The following ALKBH5 variants were observed in gnomAD, a reference collection of about 807,000 sequenced individuals.
ALKBH5 encodes alkB homolog 5, RNA demethylase, also known as RNA demethylase ALKBH5.
ALKBH5 carries 2 observed loss-of-function variants against 32.1 expected under a neutral mutation model. The ratio of observed to expected loss-of-function variants is 0.06; its 90% CI spans 0.03 to 0.20. The LOEUF (loss-of-function observed/expected upper bound fraction) is 0.20, where lower values mean the gene tolerates loss of function less well. ALKBH5 is among the 10% of genes least tolerant of loss of function. The pLI, the probability that ALKBH5 is intolerant of heterozygous loss-of-function variation, is 1.00. For synonymous variants in ALKBH5, 300 were observed against 231.7 expected (o/e 1.29, Z -2.68); for missense variants, 352 against 559.5 (o/e 0.63, Z 3.74).
At chr17:18,187,475 T>C (rs1446878782) in intron 1 of ALKBH5, among the ~76,000 whole-genome samples, 1 of 152,228 alleles carries the variant, frequency 6.6e-6, no homozygotes, top group African/African-American at 2.4e-5. Context: ...CATTGTAGAC[T>C]GTTCAGCAGC....
intron 2 of ALKBH5, among the ~76,000 whole-genome samples, chr17:18,198,478 A>C (rs2047217077): frequency 6.6e-6 from 1 of 152,174 alleles, no homozygotes; most frequent in Non-Finnish European, 1.5e-5. Flanking sequence ...CATTGCCCGG[A>C]GATAAGTATG....
intron 2 of ALKBH5, among the ~76,000 whole-genome samples, chr17:18,200,045 C>T (rs552435833): frequency 2.7e-5 from 4 of 149,134 alleles, no homozygotes; most frequent in Non-Finnish European, 4.4e-5. Context: ...TGCAGTGAGC[C>T]GAGATTGTAC....
intron 1 of ALKBH5, among the ~76,000 whole-genome samples, chr17:18,194,321 T>G (rs971581016): frequency 1.3e-5 from 2 of 152,052 alleles, no homozygotes; most frequent in African/African-American, 4.8e-5. Flanking sequence ...GCCTGGCTAA[T>G]TTTTGTATTT....
Position 18,184,042 on chromosome 17 carries a change from GCCA to G in ALKBH5, c.-199_-197del. On this transcript the variant is annotated 5_prime_UTR_variant, in exon 1 of 4. Coordinates refer to ENST00000399138, the MANE Select transcript of ALKBH5 (RefSeq NM_017758.4). ...TGGAGGAGGAAGAAGCCCCGTTGTCGCCACCGTTGCATGACCCGCCGCTCCTGA... is the reference window on the plus strand; with the variant it reads ...TGGAGGAGGAAGAAGCCCCGTTGTCGCCGTTGCATGACCCGCCGCTCCTGA... 1 of 676,246 alleles carries G rather than the reference GCCA, an allele frequency of 1.5e-6. No individual in the cohort carries two copies. Among genetic ancestry groups the G allele is most frequent in the Admixed American group, 2.1e-5 (1 of 48,448 alleles). The allele number at this position is 676,246 out of a possible 1,614,324, so 41.9% of individuals were successfully genotyped here. A position where few individuals can be genotyped will look rare whatever the true frequency, so the allele number is the denominator to read the frequency against.
At chr17:18,194,181 CAG>C (rs1252809234) in intron 1 of ALKBH5, among the ~76,000 whole-genome samples, 1 of 151,664 alleles carries the variant, frequency 6.6e-6, no homozygotes, top group African/African-American at 2.4e-5. Context: ...GTGGTGGGGA[CAG>C]AGTCTCGCTC....
At chr17:18,192,215 C>T (rs1021235980) in intron 1 of ALKBH5, among the ~76,000 whole-genome samples, 1 of 152,118 alleles carries the variant, frequency 6.6e-6, no homozygotes, top group Non-Finnish European at 1.5e-5. Flanking sequence ...AGTCCAGGGC[C>T]CTCTGACTTT....
Position 18,183,961 on chromosome 17 carries a change from G to A in ALKBH5, c.-283G>A. The A allele has an allele frequency of 1.6e-6, 1 of 618,390 alleles. No individual in the cohort carries two copies. The highest frequency in any genetic ancestry group is 3.0e-6 in the Non-Finnish European group (1 of 335,032). 38.3% of individuals were successfully genotyped at this position (618,390 alleles called of 1,614,324 possible). On this transcript the variant is annotated 5_prime_UTR_variant, in exon 1 of 4. Transcript: ENST00000399138. ...GGAGTCGGGCCGCGTCTCCGCAGCA[G>A]CCCTCCGCGGCATGAGGCGCTGCCG... is the stretch of plus-strand genomic sequence containing the variant.
chr17:18,206,780 G>A (rs762993440), intron 2 of ALKBH5, 35 bp from the exon 3 acceptor site: 1 of 1,607,180 alleles, frequency 6.2e-7, no homozygotes. Context: ...TTCACCGGAG[G>A]CCCTTTGGTG....
At chr17:18,190,550 G>GA (rs11316080) in intron 1 of ALKBH5, among the ~76,000 whole-genome samples, 16,770 of 121,500 alleles carry the variant, frequency 0.14, 1,353 homozygotes, top group Middle Eastern at 0.19. Context: ...CTCTGTTTCC[G>GA]AAAAAAAAAA....
intron 1 of ALKBH5, among the ~76,000 whole-genome samples, chr17:18,190,272 A>G (rs1219498461): frequency 6.6e-6 from 1 of 152,178 alleles, no homozygotes; most frequent in African/African-American, 2.4e-5. Flanking sequence ...TTTCAGGGCC[A>G]GGTGCGGTGG....
chr17:18,188,644 C>T (rs1172709346), intron 1 of ALKBH5, among the ~76,000 whole-genome samples: 1 of 152,168 alleles, frequency 6.6e-6, no homozygotes, highest in Non-Finnish European at 1.5e-5. Flanking sequence ...AGCTCTGGGC[C>T]AGGGGGGTTG....
chr17:18,201,786 G>A (rs62075460), intron 2 of ALKBH5, among the ~76,000 whole-genome samples: 44 of 84,402 alleles, frequency 5.2e-4, no homozygotes, highest in African/African-American at 2.0e-3. Flanking sequence ...TAGATAGATA[G>A]GATAGATAAG....
chr17:18,184,885 C>G lies in ALKBH5; in HGVS notation c.642C>G (p.Pro214=), dbSNP rs779756701. 1 of 1,614,262 alleles carries G rather than the reference C, an allele frequency of 6.2e-7. No homozygotes were observed. Among genetic ancestry groups the G allele is most frequent in the South Asian group, 1.1e-5 (1 of 91,090 alleles). Residue 214 remains proline (P), a synonymous_variant, in exon 1 of 4, where the codon CCC becomes CCG. Transcript: ENST00000399138. ...ACCCCATCCACATCTTCGAGCGCCC[C>G]ATCGTGTCCGTGTCCTTCTTTAGCG... ...HVDPIHIFER[P]IVSVSFFSDS... is the part of the protein sequence containing the mutation.
chr17:18,199,342 G>A (rs2142482427), intron 2 of ALKBH5, among the ~76,000 whole-genome samples: 1 of 152,348 alleles, frequency 6.6e-6, no homozygotes, highest in South Asian at 2.1e-4. Context: ...TGTGGTTAAA[G>A]TTCTAAATTA....
intron 3 of ALKBH5, 29 bp downstream of exon 3, chr17:18,206,999 C>G: frequency 6.2e-7 from 1 of 1,607,326 alleles, no homozygotes; most frequent in Middle Eastern, 1.7e-4. Context: ...TCAGCAAAGG[C>G]TGGCAAAGGC....
chr17:18,202,435 T>C (rs1441595600), intron 2 of ALKBH5, among the ~76,000 whole-genome samples: 1 of 152,122 alleles, frequency 6.6e-6, no homozygotes, highest in Non-Finnish European at 1.5e-5. Context: ...GGTACAGACC[T>C]GAGCTTTGTG....
At chr17:18,204,756 A>G (rs959629278) in intron 2 of ALKBH5, among the ~76,000 whole-genome samples, 1 of 151,954 alleles carries the variant, frequency 6.6e-6, no homozygotes, top group African/African-American at 2.4e-5. Flanking sequence ...TCAAAAAATA[A>G]TAATAAAAAT....
chr17:18,203,549 T>C (rs1228948195), intron 2 of ALKBH5, among the ~76,000 whole-genome samples: 1 of 152,220 alleles, frequency 6.6e-6, no homozygotes, highest in African/African-American at 2.4e-5. Flanking sequence ...TACTGACTCA[T>C]CTGTAAGGCA....
intron 2 of ALKBH5, among the ~76,000 whole-genome samples, chr17:18,204,649 C>T (rs2047259531): frequency 6.6e-6 from 1 of 151,986 alleles, no homozygotes; most frequent in Admixed American, 6.6e-5. Context: ...ATAATCTCAG[C>T]TGCTTGGGAG....
Sources: gnomAD v4.1 joint callset for allele counts (sites outside exome capture counted in the v4.1 genomes callset) on GRCh38, gnomAD v4.1.1 for gene constraint, MANE v1.5 for transcripts, NCBI Gene and HGNC (gene_info 2026-07-23, HGNC 2026-07-21) for gene names.